IQSEC3: variants seen among roughly 807,000 people sequenced by gnomAD.
IQSEC3 encodes the protein IQ motif and SEC7 domain-containing protein 3.
In IQSEC3, 50 loss-of-function variants were observed where a neutral mutation model predicts 105.4. The observed-to-expected ratio is 0.47, with a 90% CI of 0.38 to 0.60. The LOEUF (loss-of-function observed/expected upper bound fraction) is 0.60. Ranked by LOEUF, IQSEC3 falls within the 20% of genes least tolerant of loss-of-function variation. The pLI is 0.00. For synonymous variants in IQSEC3, 708 were observed against 746.0 expected, an observed-to-expected ratio of 0.95 and a Z score of 0.83; for missense variants, 1,415 against 1,630.0, an observed-to-expected ratio of 0.87 and a Z score of 2.27.
chr12:128,525 GACAATC>G (rs535953750), intron 3 of IQSEC3, among the ~76,000 whole-genome samples: 1,876 of 152,134 alleles, frequency 0.012, 24 homozygotes, highest in Non-Finnish European at 0.019. Flanking sequence ...AGGGGTGTTG[GACAATC>G]TTAGCTCCCC....
At chr12:71,474 C>G (rs1234407378) in intron 1 of IQSEC3, among the ~76,000 whole-genome samples, 1 of 152,228 alleles carries the variant, frequency 6.6e-6, no homozygotes, top group Non-Finnish European at 1.5e-5. Flanking sequence ...ATCAGAACAG[C>G]ACAAGGTAAA....
intron 2 of IQSEC3, among the ~76,000 whole-genome samples, chr12:117,981 G>T (rs1044196500): frequency 2.6e-5 from 4 of 152,218 alleles, no homozygotes; most frequent in African/African-American, 9.6e-5. Flanking sequence ...GCGACACAGC[G>T]GGTGTGGCCA....
At chr12:115,386 A>G (rs1483837459) in intron 2 of IQSEC3, among the ~76,000 whole-genome samples, 1 of 152,184 alleles carries the variant, frequency 6.6e-6, no homozygotes, top group African/African-American at 2.4e-5. Context: ...TAGAGCCAAG[A>G]GAATATGAAA....
intron 1 of IQSEC3, among the ~76,000 whole-genome samples, chr12:96,581 G>A (rs1555074791): frequency 1.3e-5 from 2 of 152,114 alleles, no homozygotes; most frequent in Non-Finnish European, 1.5e-5. Flanking sequence ...TTTCTTTCAG[G>A]GCCTGCTACC....
Position 139,039 on chromosome 12 carries a change from C to T in IQSEC3, c.1676C>T (p.Ala559Val). 1 of 1,488,782 alleles carries T rather than the reference C, an allele frequency of 6.7e-7. No homozygotes were observed. Among genetic ancestry groups the T allele is most frequent in the Non-Finnish European group, 8.9e-7 (1 of 1,119,006 alleles). 92.2% of individuals were successfully genotyped at this position (1,488,782 alleles called of 1,614,324 possible). Reference sequence around the variant, plus strand: ...GAGGACTCATGCGCAGAGGCTGCGGCTAGTGGGGCGGCGGATGGGGCCACA... The same window carrying T: ...GAGGACTCATGCGCAGAGGCTGCGGTTAGTGGGGCGGCGGATGGGGCCACA... ...SAEDSCAEAA[A>V]SGAADGATAP... The change falls in exon 4 of 14, where the codon GCT becomes GTT. Residue 559 changes from alanine to valine, a missense_variant. By Grantham distance (64) the Ala-to-Val change is moderately conservative. Transcript: ENST00000538872.
rs1865498281 is a variant in IQSEC3 at position 128,768 on chromosome 12, C to T, written c.903+2856C>T. 2.0e-5 allele frequency among the ~76,000 whole-genome samples: 3 copies of T among 152,308 alleles called. No homozygotes were observed. The South Asian group carries it at 6.2e-4, about 32-fold the overall frequency. On this transcript the variant is annotated intron_variant, in intron 3 of 13. Transcript: ENST00000538872. ...ACGCCGGGAGACCTCCTGTGCTTCC[C>T]CTTCTTTGAGCTCTGTCCCTTCCAA...
chr12:168,223 GAGA>G (rs1356279257), intron 11 of IQSEC3, among the ~76,000 whole-genome samples: 3 of 152,222 alleles, frequency 2.0e-5, no homozygotes, highest in African/African-American at 7.2e-5. Flanking sequence ...GCTCCACTGA[GAGA>G]AGAACAAGAA....
rs558894907 is a variant in IQSEC3 at position 139,379 on chromosome 12, C to T, written c.1991+25C>T. ...TGTAAGTCAGCCCCGGCCCCCAGCC[C>T]GGAGTCCTGGGCGTCCTGGGAGGGA... On this transcript the variant is annotated intron_variant, in intron 4 of 13. Transcript: ENST00000538872. 9.9e-6 allele frequency: 15 copies of T among 1,510,920 alleles called. No individual in the cohort carries two copies. The East Asian group carries it at 2.5e-4, about 25-fold the overall frequency. The allele number at this position is 1,510,920 out of a possible 1,614,324, so 93.6% of individuals were successfully genotyped here.
rs147295972 is a variant in IQSEC3, at chr12:152,603, G to T, written c.2154-4422G>T. Among the ~76,000 whole-genome samples, 1,040 of 152,302 alleles carry T rather than the reference G, an allele frequency of 6.8e-3. 7 individuals are homozygous for T. The highest frequency in any genetic ancestry group is 0.01 in the Non-Finnish European group (708 of 68,030). ...TCATATTGCACAAGCTTGAGAAGAT[G>T]AGGTCATTGCACACATAGTGAAGCA... On this transcript the variant is annotated intron_variant, in intron 5 of 13. Transcript: ENST00000538872. The surrounding 1 kb of genome is among the most constrained non-coding windows in gnomAD (Gnocchi z 4.8).
intron 3 of IQSEC3, among the ~76,000 whole-genome samples, chr12:129,100 C>T (rs577012868): frequency 2.0e-5 from 3 of 152,348 alleles, no homozygotes; most frequent in Admixed American, 6.5e-5. Context: ...AGCCGAGGCA[C>T]GTGCTTTTAC....
chr12:158,472 A>G (rs893251405), intron 7 of IQSEC3, among the ~76,000 whole-genome samples: 3 of 152,112 alleles, frequency 2.0e-5, no homozygotes, highest in Non-Finnish European at 2.9e-5. Flanking sequence ...GCACTGTGTC[A>G]TCACACCTGG....
intron 2 of IQSEC3, among the ~76,000 whole-genome samples, chr12:124,441 C>T (rs963724858): frequency 7.9e-5 from 12 of 151,464 alleles, no homozygotes; most frequent in Non-Finnish European, 1.2e-4. Context: ...TGAGCACATA[C>T]TCTGTGCTAA....
chr12:95,201 T>C (rs1864207471), intron 1 of IQSEC3, among the ~76,000 whole-genome samples: 1 of 152,244 alleles, frequency 6.6e-6, no homozygotes, highest in South Asian at 2.1e-4. Context: ...GGGGAACCAC[T>C]GTAGGTAAAT....
intron 3 of IQSEC3, chr12:137,376 G>A (rs1480627746): frequency 2.0e-5 from 3 of 151,360 alleles, no homozygotes; most frequent in African/African-American, 7.3e-5. Context: ...GGGGAAGCAC[G>A]AGGAGCTGTG....
intron 5 of IQSEC3, among the ~76,000 whole-genome samples, chr12:146,634 A>G (rs1866284628): frequency 6.6e-6 from 1 of 151,602 alleles, no homozygotes; most frequent in Admixed American, 6.6e-5. Flanking sequence ...AGCCTGGACA[A>G]CAGAGTGGGA....
chr12:138,679 C>A lies in IQSEC3; in HGVS notation c.1316C>A (p.Ala439Asp). ...AGTGGCGCTTACCAGCTCCACCAGG[C>A]CCTGCAGGCGGCCGCGGGGCCCCCA... is the stretch of plus-strand genomic sequence containing the variant. ...RESGAYQLHQ[A>D]LQAAAGPPGL... is the part of the protein sequence containing the mutation. The change falls in exon 4 of 14, where the codon GCC becomes GAC. Residue 439 changes from alanine to aspartate, a missense_variant. This residue lies in a region of IQSEC3 where 720 missense variants were observed against 633.0 expected (regional missense o/e 1.14). Coordinates refer to ENST00000538872, the MANE Select transcript of IQSEC3 (RefSeq NM_001170738.2). This position sits in a 1 kb window ranked among gnomAD's most constrained non-coding sequence, Gnocchi z 7.1. 1 of 1,548,580 alleles carries A rather than the reference C, an allele frequency of 6.5e-7. No individual in the cohort carries two copies. The highest frequency in any genetic ancestry group is 8.7e-7 in the Non-Finnish European group (1 of 1,153,610).
At chr12:134,668 C>A (rs138302782) in intron 3 of IQSEC3, among the ~76,000 whole-genome samples, 2 of 151,008 alleles carry the variant, frequency 1.3e-5, no homozygotes, top group African/African-American at 2.4e-5. Context: ...CCAAGGTGGG[C>A]GGATCACCGA....
intron 2 of IQSEC3, among the ~76,000 whole-genome samples, chr12:123,810 G>C (rs7298587): frequency 0.59 from 89,667 of 151,952 alleles, 26,772 homozygotes; most frequent in East Asian, 0.68. Flanking sequence ...GGTTGCAGCT[G>C]TCCTGCACCA....
At chr12:133,132 G>C (rs1555085536) in intron 3 of IQSEC3, among the ~76,000 whole-genome samples, 1 of 152,194 alleles carries the variant, frequency 6.6e-6, no homozygotes, top group East Asian at 1.9e-4. Context: ...GGGCTGAGAA[G>C]GTATCCACCT....
Sources: allele counts gnomAD v4.1 joint callset (sites outside exome capture counted in the v4.1 genomes callset), GRCh38; gene constraint gnomAD v4.1.1; regional missense constraint gnomAD v4.1.1; non-coding constraint Gnocchi (gnomAD v3.1); transcripts MANE v1.5; gene names NCBI Gene and HGNC (gene_info 2026-07-23, HGNC 2026-07-21).